Variants in DMD observed in about 807,000 individuals in gnomAD.
DMD encodes the protein dystrophin.
In DMD, 63 loss-of-function variants were observed where a neutral mutation model predicts 330.1. The observed-to-expected ratio is 0.19, with a 90% CI of 0.16 to 0.24. DMD has a LOEUF of 0.24. DMD is among the 10% of genes least tolerant of loss of function. The pLI is 1.00. For missense variants in DMD, 3,344 were observed against 2,684.1 expected (o/e 1.25, Z -5.43); for synonymous variants, 1,223 against 959.8 (o/e 1.27, Z -5.07).
chrX:32,482,403 A>G (rs896368108), intron 21 of DMD, among the ~76,000 whole-genome samples: 19 of 111,793 alleles, frequency 1.7e-4, no homozygotes, highest in East Asian at 5.7e-4. Flanking sequence ...CTCATATAAC[A>G]TATGATCTTT....
At chrX:31,237,241 A>G (rs1009437964) in intron 63 of DMD, among the ~76,000 whole-genome samples, 2 of 112,346 alleles carry the variant, frequency 1.8e-5, no homozygotes, top group African/African-American at 6.5e-5. Context: ...GAATCTGTTG[A>G]GTCTTTATGC....
intron 64 of DMD, among the ~76,000 whole-genome samples, chrX:31,213,551 C>T (rs776993087): frequency 3.6e-5 from 4 of 111,890 alleles, no homozygotes; most frequent in Admixed American, 1.9e-4. Context: ...TGGTGTGGCT[C>T]TTGCAGACAG....
chrX:32,712,097 G>A (rs982611574), intron 7 of DMD, among the ~76,000 whole-genome samples: 2 of 111,734 alleles, frequency 1.8e-5, no homozygotes, highest in Non-Finnish European at 3.8e-5. Context: ...TATACAATGT[G>A]AACTTCAAAA....
chrX:32,420,118 C>T (rs1324456099), intron 29 of DMD, among the ~76,000 whole-genome samples: 2 of 111,817 alleles, frequency 1.8e-5, no homozygotes, highest in Middle Eastern at 4.6e-3. Flanking sequence ...CCTTCAGGAG[C>T]CACCCTAAGT....
At chrX:32,644,899 A>C in intron 10 of DMD, 65 bp downstream of exon 10, 1 of 1,154,866 alleles carries the variant, frequency 8.7e-7, no homozygotes, top group East Asian at 3.0e-5. Context: ...TAATTGAGGA[A>C]AAAGGATGAC....
At chrX:32,507,016 T>C (rs2044701458) in intron 18 of DMD, among the ~76,000 whole-genome samples, 1 of 111,870 alleles carries the variant, frequency 8.9e-6, no homozygotes, top group Admixed American at 9.5e-5. Context: ...GGCATACTTG[T>C]TTTTCACTAC....
chrX:33,046,161 A>G (rs1181174247), intron 1 of DMD, among the ~76,000 whole-genome samples: 1 of 111,631 alleles, frequency 9.0e-6, no homozygotes, highest in Non-Finnish European at 1.9e-5. Flanking sequence ...TGGAGGCTAG[A>G]GTCCTAACAA....
At chrX:31,301,177 C>A (rs912920744) in intron 62 of DMD, among the ~76,000 whole-genome samples, 1 of 111,748 alleles carries the variant, frequency 8.9e-6, no homozygotes, top group Non-Finnish European at 1.9e-5. Flanking sequence ...CTTGCCTTCA[C>A]AAGGAGGATG....
intron 16 of DMD, among the ~76,000 whole-genome samples, chrX:32,558,977 G>C (rs762895033): frequency 5.2e-4 from 35 of 66,973 alleles, no homozygotes; most frequent in African/African-American, 3.0e-3. Flanking sequence ...TTGAGACGAA[G>C]TCTCGCTCTG....
At chrX:32,960,991 G>A (rs1458656792) in intron 2 of DMD, among the ~76,000 whole-genome samples, 2 of 105,654 alleles carry the variant, frequency 1.9e-5, no homozygotes, top group African/African-American at 6.8e-5. Context: ...TTACGTATTT[G>A]TTGAATAGTA....
intron 4 of DMD, among the ~76,000 whole-genome samples, chrX:32,837,625 ACT>A (rs913714908): frequency 1.8e-5 from 2 of 111,158 alleles, no homozygotes; most frequent in Non-Finnish European, 3.8e-5. Context: ...CCCTGATTAC[ACT>A]CTCTTCAACT....
At position 31,940,675 on chromosome X, in the gene DMD, G is replaced by T. The variant is rs1044569922; in HGVS notation, c.6615-8448C>A. 7.3e-5 allele frequency among the ~76,000 whole-genome samples: 6 copies of T among 82,338 alleles called. No homozygotes were observed. In the East Asian group the frequency reaches 1.9e-3, roughly 26 times the overall value. 71.5% of individuals were successfully genotyped at this position (82,338 alleles called of 115,157 possible). ...GTTTCTATTATGTTAAGCCACTGAG[G>T]TGTGGGCTTTTTTTTTTTTATAGCA... On this transcript the variant is annotated intron_variant, in intron 45 of 78. Coordinates refer to ENST00000357033, the MANE Select transcript of DMD (RefSeq NM_004006.3).
chrX:31,749,988 GTTGT>G (rs1329124846), intron 51 of DMD, among the ~76,000 whole-genome samples: 20 of 108,860 alleles, frequency 1.8e-4, no homozygotes, highest in African/African-American at 5.7e-4. Flanking sequence ...TTTGGATGGG[GTTGT>G]TTGTTTTTTT....
At chrX:32,536,390 G>C (rs962305772) in intron 17 of DMD, among the ~76,000 whole-genome samples, 4 of 110,828 alleles carry the variant, frequency 3.6e-5, no homozygotes, top group Non-Finnish European at 5.7e-5. Context: ...AAAAAGAAAG[G>C]TATCTAAAGA....
At chrX:32,799,677 G>A (rs774335274) in intron 7 of DMD, among the ~76,000 whole-genome samples, 16 of 107,699 alleles carry the variant, frequency 1.5e-4, no homozygotes, top group South Asian at 4.1e-4. Context: ...CACGACCAAC[G>A]CATGTAGAAT....
At chrX:32,248,210 G>A (rs747789382) in intron 43 of DMD, among the ~76,000 whole-genome samples, 10 of 111,176 alleles carry the variant, frequency 9.0e-5, no homozygotes, top group Non-Finnish European at 1.7e-4. Flanking sequence ...TAAATGCTCA[G>A]GTACAGCCAA....
intron 9 of DMD, among the ~76,000 whole-genome samples, chrX:32,667,228 T>G (rs910378463): frequency 9.0e-6 from 1 of 111,632 alleles, no homozygotes; most frequent in African/African-American, 3.3e-5. Context: ...TGACTTTCAG[T>G]TTATTTAACA....
chrX:32,199,719 T>A (rs1475962035), intron 44 of DMD, among the ~76,000 whole-genome samples: 3 of 108,471 alleles, frequency 2.8e-5, no homozygotes, highest in Non-Finnish European at 3.8e-5. Context: ...GTTCAAGCAA[T>A]CTTCCCGCCT....
Position 32,030,743 on chromosome X carries a change from T to C in DMD, c.6439-62229A>G, listed in dbSNP as rs545769737. Among the ~76,000 whole-genome samples, 7 of 111,995 alleles carry C rather than the reference T, an allele frequency of 6.3e-5. No homozygotes were observed. The South Asian group carries it at 2.2e-3, about 36-fold the overall frequency. On this transcript the variant is annotated intron_variant, in intron 44 of 78. Transcript: ENST00000357033. ...GCTATAAGATTTTAATGAAATGATA[T>C]CATATGGCCTAATAAAAAAGTAGCT...
Sources: gnomAD v4.1 joint callset for allele counts (sites outside exome capture counted in the v4.1 genomes callset) on GRCh38, gnomAD v4.1.1 for gene constraint, MANE v1.5 for transcripts, NCBI Gene and HGNC (gene_info 2026-07-23, HGNC 2026-07-21) for gene names.